Variants in STC1 observed in about 807,000 individuals in gnomAD.
STC1 encodes the protein stanniocalcin 1.
In STC1, 7 loss-of-function variants were observed where a neutral mutation model predicts 22.6. That is an observed-to-expected ratio of 0.31 (90% CI 0.18 to 0.58). STC1 has a LOEUF of 0.58. Ranked by LOEUF, STC1 falls within the 20% of genes least tolerant of loss-of-function variation. The pLI is 0.89. For missense variants in STC1, 224 were observed against 311.0 expected (o/e 0.72, Z 2.10); for synonymous variants, 113 against 120.7 (o/e 0.94, Z 0.42).
intron 3 of STC1, among the ~76,000 whole-genome samples, chr8:23,846,001 G>T (rs372150350): frequency 6.6e-6 from 1 of 152,062 alleles, no homozygotes; most frequent in Non-Finnish European, 1.5e-5. Context: ...CTTATGGCCC[G>T]GTGCCATCGT....
At position 23,842,744 on chromosome 8, in the gene STC1, G is replaced by A. The variant is rs1196075956; in HGVS notation, c.*2026C>T. 6.6e-6 allele frequency: 1 copy of A among 152,654 alleles called. No individual in the cohort carries two copies. Among genetic ancestry groups the A allele is most frequent in the Admixed American group, 6.6e-5 (1 of 15,264 alleles). The allele number at this position is 152,654 out of a possible 1,614,324, so 9.5% of individuals were successfully genotyped here. A position where few individuals can be genotyped will look rare whatever the true frequency, so the allele number is the denominator to read the frequency against. Reference sequence around the variant, plus strand: ...TCTACCTGATTTCCAAGAGGCTAAGGCAGTGTCCATAAGTTTGGGGACCTG... The same window carrying A: ...TCTACCTGATTTCCAAGAGGCTAAGACAGTGTCCATAAGTTTGGGGACCTG... On this transcript the variant is annotated 3_prime_UTR_variant, in exon 4 of 4. Coordinates refer to ENST00000290271, the MANE Select transcript of STC1 (RefSeq NM_003155.3).
chr8:23,844,883 A>G lies in STC1; in HGVS notation c.631T>C (p.Phe211Leu), dbSNP rs1802553671. Residue 211 changes from phenylalanine to leucine, a missense_variant, in exon 4 of 4, where the codon TTC becomes CTC. Phe to Leu is a conservative substitution (Grantham distance 22). Transcript: ENST00000290271. Reference sequence around the variant, plus strand: ...GGCTCATTGGTGCGTCTCCTGTTGAAGTCAGCTCGTGGGTGTGTTTGGGCA... The same window carrying G: ...GGCTCATTGGTGCGTCTCCTGTTGAGGTCAGCTCGTGGGTGTGTTTGGGCA... ...HCAQTHPRAD[F>L]NRRRTNEPQK... The G allele has an allele frequency of 6.2e-7, 1 of 1,613,936 alleles. No homozygotes were observed. The highest frequency in any genetic ancestry group is 1.3e-5 in the African/African-American group (1 of 74,898).
chr8:23,854,115 C>G, intron 1 of STC1: 1 of 1,236,776 alleles, frequency 8.1e-7, no homozygotes, highest in Non-Finnish European at 1.0e-6. Flanking sequence ...TTCCTCCCCT[C>G]TCACCCCTCC....
chr8:23,852,988 A>G (rs942450483), intron 1 of STC1, among the ~76,000 whole-genome samples: 6 of 152,134 alleles, frequency 3.9e-5, no homozygotes, highest in African/African-American at 1.4e-4. Flanking sequence ...CCACTAGGAC[A>G]GTGCTTAGAG....
chr8:23,845,090 C>T (rs11135775), intron 3 of STC1, 50 bp from the exon 4 acceptor site: 119,369 of 1,588,846 alleles, frequency 0.075, 5,022 homozygotes, highest in Middle Eastern at 0.086. Context: ...GAGAGCCCGG[C>T]GAGACCCAGG....
chr8:23,845,809 A>G (rs1802565850), intron 3 of STC1, among the ~76,000 whole-genome samples: 1 of 152,194 alleles, frequency 6.6e-6, no homozygotes, highest in Non-Finnish European at 1.5e-5. Context: ...GGTTCATGCT[A>G]CTATAATTCA....
intron 3 of STC1, among the ~76,000 whole-genome samples, chr8:23,846,183 C>A (rs928498415): frequency 3.9e-5 from 6 of 152,192 alleles, no homozygotes; most frequent in African/African-American, 1.4e-4. Flanking sequence ...TTACCTTCAT[C>A]TTTGCAGCGA....
intron 2 of STC1, among the ~76,000 whole-genome samples, chr8:23,851,782 A>T (rs1178860432): frequency 6.6e-6 from 1 of 152,112 alleles, no homozygotes; most frequent in Non-Finnish European, 1.5e-5. Flanking sequence ...ATGAACCGTG[A>T]TCAACCATTC....
rs1802675604 is a variant in STC1 at position 23,854,525 on chromosome 8, C to A, written c.-2G>T. ...AAGCACTGCTGAGTTTTGGAGCATT[C>A]TCTGAGAAGTTTCCGCTAAGTTGTT... On this transcript the variant is annotated 5_prime_UTR_variant, in exon 1 of 4. Coordinates refer to ENST00000290271, the MANE Select transcript of STC1 (RefSeq NM_003155.3). 1.9e-6 allele frequency: 3 copies of A among 1,612,746 alleles called. No individual in the cohort carries two copies. Among genetic ancestry groups the A allele is most frequent in the Non-Finnish European group, 2.5e-6 (3 of 1,179,216 alleles).
rs138193263 is a variant in STC1, at chr8:23,854,222, A to G, written c.118+184T>C. ...GCGTCCAGCTTCTTCGTTTAGTTGC[A>G]TGCAATTTATTAAACAAAGGAGCTC... is the stretch of plus-strand genomic sequence containing the variant. On this transcript the variant is annotated intron_variant, in intron 1 of 3. Coordinates refer to ENST00000290271, the MANE Select transcript of STC1 (RefSeq NM_003155.3). 132 of 1,016,680 alleles carry G rather than the reference A, an allele frequency of 1.3e-4. 1 individual carries two copies. The African/African-American group carries it at 1.8e-3, about 14-fold the overall frequency. 63.0% of individuals were successfully genotyped at this position (1,016,680 alleles called of 1,614,324 possible). A position where few individuals can be genotyped will look rare whatever the true frequency, so the allele number is the denominator to read the frequency against.
intron 2 of STC1, among the ~76,000 whole-genome samples, 196 bp from the exon 3 acceptor site, chr8:23,851,727 C>A (rs369713368): frequency 6.6e-6 from 1 of 151,224 alleles, no homozygotes; most frequent in African/African-American, 2.4e-5. Context: ...CCCTGGATTC[C>A]CTTGAGAATT....
intron 3 of STC1, among the ~76,000 whole-genome samples, chr8:23,847,848 G>A (rs1308594653): frequency 3.3e-5 from 5 of 152,208 alleles, no homozygotes; most frequent in Admixed American, 6.5e-5. Flanking sequence ...GAGAAAGGAC[G>A]CAAATTTAAT....
intron 3 of STC1, among the ~76,000 whole-genome samples, 159 bp downstream of exon 3, chr8:23,851,161 C>T (rs1234149048): frequency 6.6e-6 from 1 of 152,094 alleles, no homozygotes; most frequent in Non-Finnish European, 1.5e-5. Flanking sequence ...ACTGTCACAA[C>T]CAATCACAAA....
At position 23,844,666 on chromosome 8, in the gene STC1, A is replaced by AAAAT; in HGVS notation, c.*103_*104insATTT. ...TCTTTAAGGGGGATAGAAAATAGGA[A>AAAAT]CTACTTTAAAAAAATCAAACCAGGC... On this transcript the variant is annotated 3_prime_UTR_variant, in exon 4 of 4. Transcript: ENST00000290271. 9 of 1,333,986 alleles carry AAAAT rather than the reference A, an allele frequency of 6.7e-6. No homozygotes were observed. The highest frequency in any genetic ancestry group is 9.2e-6 in the Non-Finnish European group (9 of 981,204). The allele number at this position is 1,333,986 out of a possible 1,614,324, so 82.6% of individuals were successfully genotyped here.
chr8:23,848,400 T>C (rs1802597208), intron 3 of STC1, among the ~76,000 whole-genome samples: 1 of 151,718 alleles, frequency 6.6e-6, no homozygotes, highest in Non-Finnish European at 1.5e-5. Context: ...GGCGTGGTGG[T>C]GAGTGCTTGT....
chr8:23,852,084 A>G (rs374373702), intron 2 of STC1, among the ~76,000 whole-genome samples, 158 bp downstream of exon 2: 1 of 149,362 alleles, frequency 6.7e-6, no homozygotes, highest in African/African-American at 2.5e-5. Flanking sequence ...GTGTGTGTGC[A>G]TGCACACACT....
chr8:23,850,781 A>G (rs1802628919), intron 3 of STC1, among the ~76,000 whole-genome samples: 1 of 152,156 alleles, frequency 6.6e-6, no homozygotes, highest in Admixed American at 6.5e-5. Flanking sequence ...TGCTTTTTAC[A>G]AAGGAAATCT....
intron 3 of STC1, 57 bp downstream of exon 3, chr8:23,851,263 C>G: frequency 6.4e-7 from 1 of 1,571,408 alleles, no homozygotes; most frequent in Non-Finnish European, 8.8e-7. Flanking sequence ...TCTGGCTCTG[C>G]CAGCCAGCCA....
At chr8:23,845,526 T>G (rs1163046869) in intron 3 of STC1, among the ~76,000 whole-genome samples, 1 of 151,632 alleles carries the variant, frequency 6.6e-6, no homozygotes, top group African/African-American at 2.4e-5. Flanking sequence ...TTTGTAATTT[T>G]CCTTTTTTTG....
Sources: gnomAD v4.1 joint callset for allele counts (sites outside exome capture counted in the v4.1 genomes callset) on GRCh38, gnomAD v4.1.1 for gene constraint, MANE v1.5 for transcripts, NCBI Gene and HGNC (gene_info 2026-07-23, HGNC 2026-07-21) for gene names.